NR4A2: variants seen among roughly 807,000 people sequenced by gnomAD.
The protein encoded by NR4A2 is nuclear receptor subfamily 4 group A member 2, also known as NGFI-B/nur77 beta-type transcription factor homolog.
A neutral mutation model predicts 50.5 loss-of-function variants in NR4A2; 1 was observed. The observed-to-expected ratio is 0.02, with a 90% CI of 0.01 to 0.09. NR4A2 has a LOEUF of 0.09. Ranked by LOEUF, NR4A2 falls within the 10% of genes least tolerant of loss-of-function variation. NR4A2 has a pLI of 1.00. For synonymous variants in NR4A2, 328 were observed against 309.4 expected (o/e 1.06, Z -0.63); for missense variants, 613 against 777.3 (o/e 0.79, Z 2.51).
At position 156,330,073 on chromosome 2, in the gene NR4A2, C is replaced by A; in HGVS notation, c.114G>T (p.Glu38Asp). 1 of 1,614,204 alleles carries A rather than the reference C, an allele frequency of 6.2e-7. No homozygotes were observed. The highest frequency in any genetic ancestry group is 8.5e-7 in the Non-Finnish European group (1 of 1,180,044). Reference sequence around the variant, plus strand: ...TGAGGTCCATGCTAAACTTGACAAACTCTGGAGTTAAGAAATCGGAGCTGT... The same window carrying A: ...TGAGGTCCATGCTAAACTTGACAAAATCTGGAGTTAAGAAATCGGAGCTGT... ...GEYSSDFLTPEFVKFSMDLTN... is the reference protein window; with the variant it reads ...GEYSSDFLTPDFVKFSMDLTN... The change falls in exon 3 of 8, where the codon GAG (glutamate) becomes GAT (aspartate). Residue 38 changes from glutamate to aspartate, a missense_variant. By Grantham distance (45) the Glu-to-Asp change is conservative. Around this residue, in one of 4 missense-constraint regions of NR4A2, gnomAD observed 61 missense variants for 96.4 expected, o/e 0.63. Coordinates refer to ENST00000339562, the MANE Select transcript of NR4A2 (RefSeq NM_006186.4).
chr2:156,329,370 G>T lies in NR4A2; in HGVS notation c.817C>A (p.Gln273Lys). Residue 273 changes from glutamine to lysine, a missense_variant, in exon 3 of 8, where the codon CAA becomes AAA. Physicochemically the swap from Gln to Lys is moderately conservative, Grantham distance 53. Transcript: ENST00000339562. This position sits in a 1 kb window ranked among gnomAD's most constrained non-coding sequence, Gnocchi z 7.5. ...CAVCGDNAAC[Q>K]HYGVRTCEGC... ...TCACAGGTGCGCACGCCGTAGTGTT[G>T]GCAGGCCGCGTTGTCCCCACACACA... is the stretch of plus-strand genomic sequence containing the variant. 1 of 1,612,450 alleles carries T rather than the reference G, an allele frequency of 6.2e-7. No individual in the cohort carries two copies. Among genetic ancestry groups the T allele is most frequent in the Non-Finnish European group, 8.5e-7 (1 of 1,179,604 alleles).
intron 2 of NR4A2, 82 bp downstream of exon 2, chr2:156,330,586 A>C: frequency 7.3e-7 from 1 of 1,370,540 alleles, no homozygotes; most frequent in Non-Finnish European, 9.5e-7. Flanking sequence ...GGCAAACCTT[A>C]AGTTACAGGG....
In NR4A2 at chr2:156,329,685, T is replaced by A; in HGVS notation, c.502A>T (p.Thr168Ser). The A allele has an allele frequency of 1.9e-6, 3 of 1,613,686 alleles. No homozygotes were observed. The highest frequency in any genetic ancestry group is 2.5e-6 in the Non-Finnish European group (3 of 1,179,856). The change falls in exon 3 of 8, where the codon ACG becomes TCG. Residue 168 changes from threonine to serine, a missense_variant. Around this residue, in one of 4 missense-constraint regions of NR4A2, gnomAD observed 275 missense variants for 248.9 expected, o/e 1.10. Coordinates refer to ENST00000339562, the MANE Select transcript of NR4A2 (RefSeq NM_006186.4). The surrounding 1 kb of genome is among the most constrained non-coding windows in gnomAD (Gnocchi z 7.5). ...ATTHMIEQRK[T>S]PVSRLSLFSF... ...AAGAGGGAGAGGCGGGAGACTGGCG[T>A]TTTCCTCTGCTCGATCATGTGCGTA...
Position 156,328,127 on chromosome 2 carries a change from G to T in NR4A2, c.995-113C>A. ...CGGGGCACCAGGCTGAGCGGCTGAG[G>T]GCCCCAGTGCTTGTAAAGCCTTCAC... On this transcript the variant is annotated intron_variant, in intron 4 of 7. Transcript: ENST00000339562. The surrounding 1 kb of genome is among the most constrained non-coding windows in gnomAD (Gnocchi z 4.9). The T allele has an allele frequency of 7.1e-7, 1 of 1,402,248 alleles. No individual in the cohort carries two copies. The highest frequency in any genetic ancestry group is 2.5e-5 in the East Asian group (1 of 40,258). 86.9% of individuals were successfully genotyped at this position (1,402,248 alleles called of 1,614,324 possible).
chr2:156,329,715 C>A lies in NR4A2; in HGVS notation c.472G>T (p.Ala158Ser). The part of the protein sequence containing the change: ...SLHNFHQNYV[A>S]TTHMIEQRKT... ...CTCTGCTCGATCATGTGCGTAGTGG[C>A]CACGTAGTTCTGGTGGAAGTTGTGG... Residue 158 changes from alanine (A) to serine (S), a missense_variant, in exon 3 of 8, where the codon GCC becomes TCC. This residue lies in a region of NR4A2 where 275 missense variants were observed against 248.9 expected (regional missense o/e 1.10). Coordinates refer to ENST00000339562, the MANE Select transcript of NR4A2 (RefSeq NM_006186.4). The surrounding 1 kb of genome is among the most constrained non-coding windows in gnomAD (Gnocchi z 7.5). The A allele has an allele frequency of 6.2e-7, 1 of 1,614,038 alleles. No homozygotes were observed. Among genetic ancestry groups the A allele is most frequent in the Non-Finnish European group, 8.5e-7 (1 of 1,179,944 alleles).
chr2:156,327,754 T>A, intron 5 of NR4A2, 97 bp downstream of exon 5: 1 of 1,467,790 alleles, frequency 6.8e-7, no homozygotes, highest in Non-Finnish European at 9.3e-7. Context: ...TTGCCTTCTT[T>A]ACCCCCGTTG....
Position 156,329,577 on chromosome 2 carries a change from G to A in NR4A2, c.610C>T (p.Pro204Ser), listed in dbSNP as rs370355149. The A allele has an allele frequency of 8.1e-6, 13 of 1,604,180 alleles. No homozygotes were observed. In the Admixed American group the frequency reaches 2.0e-4, roughly 25 times the overall value. ...FDGPLHVPMNPEPAGSHHVVD... is the reference protein window; with the variant it reads ...FDGPLHVPMNSEPAGSHHVVD... ...ACGTGGTGGCTGCCGGCGGGCTCCG[G>A]GTTCATGGGGACGTGCAGGGGCCCG... The change falls in exon 3 of 8, where the codon CCG (proline) becomes TCG (serine). Residue 204 changes from proline (P) to serine (S), a missense_variant. Physicochemically the swap from Pro to Ser is moderately conservative, Grantham distance 74 (BLOSUM62 -1). Around this residue, in one of 4 missense-constraint regions of NR4A2, gnomAD observed 275 missense variants for 248.9 expected, o/e 1.10. Coordinates refer to ENST00000339562, the MANE Select transcript of NR4A2 (RefSeq NM_006186.4). The surrounding 1 kb of genome is among the most constrained non-coding windows in gnomAD (Gnocchi z 7.5).
chr2:156,327,195 T>G (rs1686690199), intron 5 of NR4A2, among the ~76,000 whole-genome samples: 1 of 152,122 alleles, frequency 6.6e-6, no homozygotes, highest in Non-Finnish European at 1.5e-5. Flanking sequence ...ACAAAACAAT[T>G]GACATGTTAG....
At chr2:156,331,477 C>T (rs887629874) in intron 1 of NR4A2, among the ~76,000 whole-genome samples, 11 of 152,120 alleles carry the variant, frequency 7.2e-5, no homozygotes, top group Admixed American at 2.0e-4. Context: ...TCTACTTTTC[C>T]AGGAGCTTCT....
chr2:156,325,969 C>T lies in NR4A2; in HGVS notation c.1572G>A (p.Val524=), dbSNP rs1686624684. ...ERHGLKEPKR[V]EELQNKIVNC... The stretch of plus-strand genomic sequence containing the variant: ...TTACAATCTTGTTTTGCAGTTCTTC[C>T]ACTCTCTTGGGTTCCTTGAGCCCGT... The change falls in exon 8 of 8, where the codon GTG becomes GTA. Residue 524 remains valine (V), a synonymous_variant. Coordinates refer to ENST00000339562, the MANE Select transcript of NR4A2 (RefSeq NM_006186.4). The T allele has an allele frequency of 4.3e-6, 7 of 1,614,194 alleles. No individual in the cohort carries two copies. The highest frequency in any genetic ancestry group is 5.9e-6 in the Non-Finnish European group (7 of 1,180,028).
At position 156,326,265 on chromosome 2, in the gene NR4A2, G is replaced by A. The variant is rs368021963; in HGVS notation, c.1425C>T (p.Cys475=). Reference sequence around the variant, plus strand: ...CAATCCATTCCCCAAAGCCACGAACGCATTGCAACCTGTGCAAGACCACCC... The same window carrying A: ...CAATCCATTCCCCAAAGCCACGAACACATTGCAACCTGTGCAAGACCACCC... ...CNGVVLHRLQ[C]VRGFGEWIDS... Residue 475 remains cysteine, a synonymous_variant, in exon 7 of 8, where the codon TGC becomes TGT. Coordinates refer to ENST00000339562, the MANE Select transcript of NR4A2 (RefSeq NM_006186.4). This position sits in a 1 kb window ranked among gnomAD's most constrained non-coding sequence, Gnocchi z 4.2. The A allele has an allele frequency of 9.3e-6, 15 of 1,614,094 alleles. No homozygotes were observed. In the African/African-American group the frequency reaches 1.2e-4, roughly 13 times the overall value.
In NR4A2 at chr2:156,325,704, A is replaced by C. The variant is rs769231580; in HGVS notation, c.*40T>G. On this transcript the variant is annotated 3_prime_UTR_variant, in exon 8 of 8. Coordinates refer to ENST00000339562, the MANE Select transcript of NR4A2 (RefSeq NM_006186.4). ...GACTTGCCCCCTCTTGACAGTTTCC[A>C]TTATCATTCCAGTTCCTTTGAAGTG... 6.2e-7 allele frequency: 1 copy of C among 1,613,128 alleles called. No individual in the cohort carries two copies. The highest frequency in any genetic ancestry group is 2.2e-5 in the East Asian group (1 of 44,876).
chr2:156,329,484 G>A lies in NR4A2; in HGVS notation c.703C>T (p.Leu235=). The stretch of plus-strand genomic sequence containing the variant: ...AGCTGAGACGCGTGGCCGATCTGCA[G>A]GCCCGGGAAGCCCATGGACGCGGGC... ...RKPASMGFPG[L]QIGHASQLLD... The change falls in exon 3 of 8, where the codon CTG becomes TTG. Residue 235 remains leucine (L), a synonymous_variant. Coordinates refer to ENST00000339562, the MANE Select transcript of NR4A2 (RefSeq NM_006186.4). This position sits in a 1 kb window ranked among gnomAD's most constrained non-coding sequence, Gnocchi z 7.5. 6.2e-7 allele frequency: 1 copy of A among 1,606,522 alleles called. No individual in the cohort carries two copies. Among genetic ancestry groups the A allele is most frequent in the Non-Finnish European group, 8.5e-7 (1 of 1,177,648 alleles).
chr2:156,332,679 C>T lies in NR4A2; in HGVS notation c.-326G>A, dbSNP rs894667129. 2.6e-6 allele frequency: 1 copy of T among 391,704 alleles called. No individual in the cohort carries two copies. The highest frequency in any genetic ancestry group is 7.2e-5 in the East Asian group (1 of 13,894). The allele number at this position is 391,704 out of a possible 1,614,324, so 24.3% of individuals were successfully genotyped here. A position where few individuals can be genotyped will look rare whatever the true frequency, so the allele number is the denominator to read the frequency against. ...GCGGAGCCGTGCGCGAGCCGCCGGG[C>T]GGACTGGCCCTGGCCGCCAATGTGC... On this transcript the variant is annotated 5_prime_UTR_variant, in exon 1 of 8. Coordinates refer to ENST00000339562, the MANE Select transcript of NR4A2 (RefSeq NM_006186.4).
At chr2:156,327,242 AC>A (rs1468903208) in intron 5 of NR4A2, among the ~76,000 whole-genome samples, 4 of 152,120 alleles carry the variant, frequency 2.6e-5, no homozygotes, top group Non-Finnish European at 5.9e-5. Flanking sequence ...TCGAGCTGAG[AC>A]GCCCTTTTGC....
In NR4A2 at chr2:156,330,067, G is replaced by C; in HGVS notation, c.120C>G (p.Val40=). The part of the protein sequence containing the change: ...YSSDFLTPEF[V]KFSMDLTNTE... The stretch of plus-strand genomic sequence containing the variant: ...TGTTGGTGAGGTCCATGCTAAACTT[G>C]ACAAACTCTGGAGTTAAGAAATCGG... The change falls in exon 3 of 8, where the codon GTC becomes GTG. Residue 40 remains valine (V), a synonymous_variant. Transcript: ENST00000339562. 6.2e-7 allele frequency: 1 copy of C among 1,614,180 alleles called. No individual in the cohort carries two copies. The highest frequency in any genetic ancestry group is 8.5e-7 in the Non-Finnish European group (1 of 1,180,044).
At chr2:156,331,401 GA>G (rs1164041800) in intron 1 of NR4A2, among the ~76,000 whole-genome samples, 1 of 152,180 alleles carries the variant, frequency 6.6e-6, no homozygotes, top group African/African-American at 2.4e-5. Context: ...CACTTTTCCA[GA>G]AAACTTGTCT....
chr2:156,325,618 G>A lies in NR4A2; in HGVS notation c.*126C>T. On this transcript the variant is annotated 3_prime_UTR_variant, in exon 8 of 8. Transcript: ENST00000339562. Reference sequence around the variant, plus strand: ...CTTTAGGGATCAAGGGGGCTAGGAGGGTTACAGAAATGGGGGGCAGCTTGA... The same window carrying A: ...CTTTAGGGATCAAGGGGGCTAGGAGAGTTACAGAAATGGGGGGCAGCTTGA... 8.4e-7 allele frequency: 1 copy of A among 1,195,484 alleles called. No homozygotes were observed. The highest frequency in any genetic ancestry group is 1.2e-6 in the Non-Finnish European group (1 of 801,456). The allele number at this position is 1,195,484 out of a possible 1,614,324, so 74.1% of individuals were successfully genotyped here. A position where few individuals can be genotyped will look rare whatever the true frequency, so the allele number is the denominator to read the frequency against.
In NR4A2 at chr2:156,328,692, C is replaced by A. The variant is rs1057728; in HGVS notation, c.865-159G>T. Among the ~76,000 whole-genome samples the A allele has an allele frequency of 1.3e-5, 2 of 152,076 alleles. No homozygotes were observed. Among genetic ancestry groups the A allele is most frequent in the Admixed American group, 1.3e-4 (2 of 15,280 alleles). ...TTATTTTTTTCTCTTCCTTTTCTTTCTTTCTTTTCTTTTTTCCTCCCCCAG... is the reference window on the plus strand; with the variant it reads ...TTATTTTTTTCTCTTCCTTTTCTTTATTTCTTTTCTTTTTTCCTCCCCCAG... On this transcript the variant is annotated intron_variant, in intron 3 of 7. Coordinates refer to ENST00000339562, the MANE Select transcript of NR4A2 (RefSeq NM_006186.4). This position sits in a 1 kb window ranked among gnomAD's most constrained non-coding sequence, Gnocchi z 4.9.
Sources: gnomAD v4.1 joint callset for allele counts (sites outside exome capture counted in the v4.1 genomes callset) on GRCh38, gnomAD v4.1.1 for gene constraint, gnomAD v4.1.1 regional missense constraint, Gnocchi (gnomAD v3.1) non-coding constraint, MANE v1.5 for transcripts, NCBI Gene and HGNC (gene_info 2026-07-23, HGNC 2026-07-21) for gene names.